Variants in ALMS1 observed in about 807,000 individuals in gnomAD.
The protein encoded by ALMS1 is centrosome-associated protein ALMS1.
ALMS1 carries 271 observed loss-of-function variants against 352.2 expected under a neutral mutation model. The observed-to-expected ratio is 0.77, with a 90% CI of 0.70 to 0.85. The LOEUF is 0.85. ALMS1 is among the 40% of genes least tolerant of loss of function. The pLI, the probability that ALMS1 is intolerant of heterozygous loss-of-function variation, is 0.00. For synonymous variants in ALMS1, 1,865 were observed against 1,761.2 expected (o/e 1.06, Z -1.48); for missense variants, 5,445 against 4,870.7 (o/e 1.12, Z -3.51).
chr2:73,486,320 C>T lies in ALMS1; in HGVS notation c.7675-3314C>T, dbSNP rs72909382. 4.2e-3 allele frequency among the ~76,000 whole-genome samples: 645 copies of T among 152,182 alleles called. 5 individuals carry two copies. Among genetic ancestry groups the T allele is most frequent in the African/African-American group, 0.013 (523 of 41,496 alleles). On this transcript the variant is annotated intron_variant, in intron 9 of 22. Transcript: ENST00000613296. Reference sequence around the variant, plus strand: ...GTAGGCTTCGCTAGACTTTCACTGACGCCGCAAGGAAGGGATAGCACTTTA... The same window carrying T: ...GTAGGCTTCGCTAGACTTTCACTGATGCCGCAAGGAAGGGATAGCACTTTA...
chr2:73,463,687 A>G (rs1317524687), intron 9 of ALMS1, among the ~76,000 whole-genome samples: 4 of 126,726 alleles, frequency 3.2e-5, no homozygotes, highest in Non-Finnish European at 5.0e-5. Context: ...AGGATCAACA[A>G]AAGACCGCTA....
At position 73,490,444 on chromosome 2, in the gene ALMS1, A is replaced by C. The variant is rs1300409766; in HGVS notation, c.8485A>C (p.Asn2829His). Residue 2829 changes from asparagine to histidine, a missense_variant, in exon 10 of 23, where the codon AAT becomes CAT. By Grantham distance (68) the Asn-to-His change is moderately conservative (BLOSUM62 1). Transcript: ENST00000613296. ...TCATTCTGAGCCCAGTACCAGGGCA[A>C]ATTGTAGCAATTTCAAGGAAATTCA... ...GSHSEPSTRANCSNFKEIQIS... is the reference protein window; with the variant it reads ...GSHSEPSTRAHCSNFKEIQIS... The C allele has an allele frequency of 4.3e-6, 7 of 1,614,048 alleles. No homozygotes were observed. The highest frequency in any genetic ancestry group is 5.1e-6 in the Non-Finnish European group (6 of 1,180,044).
intron 15 of ALMS1, among the ~76,000 whole-genome samples, chr2:73,559,639 A>G (rs1362720294): frequency 1.3e-5 from 2 of 152,206 alleles, no homozygotes; most frequent in Non-Finnish European, 2.9e-5. Flanking sequence ...GGAAGATGGA[A>G]CAGCCTACAT....
chr2:73,460,794 C>A lies in ALMS1; in HGVS notation c.7674+5499C>A, dbSNP rs560738578. ...AAACGGCACACCAGGAGATTATATC[C>A]CGCACATGGCTCGGAGGGTCCTACG... On this transcript the variant is annotated intron_variant, in intron 9 of 22. Coordinates refer to ENST00000613296, the MANE Select transcript of ALMS1 (RefSeq NM_001378454.1). 9.4e-4 allele frequency among the ~76,000 whole-genome samples: 143 copies of A among 152,352 alleles called. 1 individual carries two copies. The highest frequency in any genetic ancestry group is 1.7e-3 in the Non-Finnish European group (118 of 68,036).
At position 73,602,177 on chromosome 2, in the gene ALMS1, T is replaced by A. The variant is rs78455676; in HGVS notation, c.12115-8T>A. On this transcript the variant is annotated splice_region_variant and splice_polypyrimidine_tract_variant and intron_variant, in intron 19 of 22. Coordinates refer to ENST00000613296, the MANE Select transcript of ALMS1 (RefSeq NM_001378454.1). ...GGCTGGGCATTTTCTCTTTTTTTTT[T>A]CTTTTAGGAATCGCTTCAGTTTCAC... is the stretch of plus-strand genomic sequence containing the variant. 1 of 1,612,626 alleles carries A rather than the reference T, an allele frequency of 6.2e-7. No homozygotes were observed. The highest frequency in any genetic ancestry group is 8.5e-7 in the Non-Finnish European group (1 of 1,179,322).
intron 16 of ALMS1, among the ~76,000 whole-genome samples, chr2:73,578,060 G>C (rs967569630): frequency 6.6e-6 from 1 of 152,048 alleles, no homozygotes; most frequent in Non-Finnish European, 1.5e-5. Context: ...TTAGGGCTCT[G>C]TTGTCAGTTG....
At chr2:73,504,920 C>T (rs1001148468) in intron 10 of ALMS1, among the ~76,000 whole-genome samples, 4 of 152,036 alleles carry the variant, frequency 2.6e-5, no homozygotes, top group Non-Finnish European at 5.9e-5. Context: ...GTGATGTTCC[C>T]CTCCCTGTGC....
intron 9 of ALMS1, among the ~76,000 whole-genome samples, chr2:73,461,533 C>G (rs929465860): frequency 4.6e-5 from 7 of 152,168 alleles, no homozygotes; most frequent in South Asian, 2.1e-4. Flanking sequence ...ACTGGAAACT[C>G]TAAAAAGCAG....
At chr2:73,539,222 TCAC>T (rs1318410859) in intron 12 of ALMS1, among the ~76,000 whole-genome samples, 2 of 152,174 alleles carry the variant, frequency 1.3e-5, no homozygotes, top group East Asian at 3.8e-4. Flanking sequence ...CATTTGCTGT[TCAC>T]CAATATTCGC....
chr2:73,403,527 T>C (rs925859466), intron 1 of ALMS1, among the ~76,000 whole-genome samples: 12 of 152,176 alleles, frequency 7.9e-5, no homozygotes, highest in African/African-American at 2.9e-4. Flanking sequence ...CTTTTGTGGT[T>C]CTATATGAAT....
intron 1 of ALMS1, among the ~76,000 whole-genome samples, chr2:73,396,081 T>C (rs1016994795): frequency 2.0e-5 from 3 of 152,208 alleles, no homozygotes; most frequent in African/African-American, 7.2e-5. Context: ...GCATCCTGTC[T>C]TTTACCCCCG....
Position 73,489,837 on chromosome 2 carries a change from T to C in ALMS1, c.7878T>C (p.His2626=). ...ACCCATCATCATGCAGAGCCAAGCA[T>C]GTCAACCTTTCTGCATCCTTAGACC... ...RQNPSSCRAK[H]VNLSASLDQN... The change falls in exon 10 of 23, where the codon CAT becomes CAC. Residue 2626 remains histidine (H), a synonymous_variant. Transcript: ENST00000613296. The C allele has an allele frequency of 6.2e-7, 1 of 1,614,194 alleles. No homozygotes were observed. Among genetic ancestry groups the C allele is most frequent in the Non-Finnish European group, 8.5e-7 (1 of 1,180,032 alleles).
chr2:73,449,107 C>T lies in ALMS1; in HGVS notation c.2580C>T (p.Ser860=), dbSNP rs933460222. 1 of 1,613,938 alleles carries T rather than the reference C, an allele frequency of 6.2e-7. No homozygotes were observed. The highest frequency in any genetic ancestry group is 8.5e-7 in the Non-Finnish European group (1 of 1,179,962). Residue 860 remains serine (S), a synonymous_variant, in exon 8 of 23, where the codon TCC becomes TCT. Transcript: ENST00000613296. Reference sequence around the variant, plus strand: ...CTGTAACCTCTACTTCCTCTGCGTCCTCTTCACTTGGAGAAAAGCCCAGTG... The same window carrying T: ...CTGTAACCTCTACTTCCTCTGCGTCTTCTTCACTTGGAGAAAAGCCCAGTG... ...TPAVTSTSSA[S]SSLGEKPSAF... is the part of the protein sequence containing the mutation.
At chr2:73,392,717 G>A (rs1478547428) in intron 1 of ALMS1, among the ~76,000 whole-genome samples, 2 of 152,064 alleles carry the variant, frequency 1.3e-5, no homozygotes, top group East Asian at 3.9e-4. Context: ...TTATTATATG[G>A]ATATGTGATA....
At chr2:73,390,863 C>T (rs1224556355) in intron 1 of ALMS1, among the ~76,000 whole-genome samples, 2 of 151,934 alleles carry the variant, frequency 1.3e-5, no homozygotes, top group African/African-American at 2.4e-5. Flanking sequence ...CTCCGCCTCC[C>T]GGGTTCAAGT....
intron 9 of ALMS1, among the ~76,000 whole-genome samples, chr2:73,478,652 ATTCG>A (rs1296688022): frequency 1.6e-5 from 2 of 122,506 alleles, no homozygotes; most frequent in South Asian, 3.1e-4. Context: ...TTAGTAATTT[ATTCG>A]TTTATTTATT....
At chr2:73,413,371 G>T (rs2103687185) in intron 2 of ALMS1, among the ~76,000 whole-genome samples, 1 of 152,160 alleles carries the variant, frequency 6.6e-6, no homozygotes, top group South Asian at 2.1e-4. Context: ...TACTATCTGA[G>T]AAATCTTGGC....
rs1470796628 is a variant in ALMS1 at position 73,490,677 on chromosome 2, C to T, written c.8718C>T (p.Pro2906=). The change falls in exon 10 of 23, where the codon CCC becomes CCT. Residue 2906 remains proline (P), a synonymous_variant. Coordinates refer to ENST00000613296, the MANE Select transcript of ALMS1 (RefSeq NM_001378454.1). ...ACCATGTGAGGAAACACCATTCTCCCTCTCCTCAACATCAGGATTATGTAG... is the reference window on the plus strand; with the variant it reads ...ACCATGTGAGGAAACACCATTCTCCTTCTCCTCAACATCAGGATTATGTAG... ...ADDHVRKHHS[P]SPQHQDYVAP... 6.2e-7 allele frequency: 1 copy of T among 1,614,062 alleles called. No individual in the cohort carries two copies. The highest frequency in any genetic ancestry group is 1.1e-5 in the South Asian group (1 of 91,074).
At position 73,408,613 on chromosome 2, in the gene ALMS1, G is replaced by T; in HGVS notation, c.325-9G>T. The T allele has an allele frequency of 3.1e-6, 5 of 1,611,904 alleles. No homozygotes were observed. In the South Asian group the frequency reaches 5.5e-5, roughly 18 times the overall value. On this transcript the variant is annotated splice_polypyrimidine_tract_variant and intron_variant, in intron 1 of 22. Transcript: ENST00000613296. ...TATTACTCTATTTAAGCCTGCTTTT[G>T]ATTTTCAGATTGTTCCATTGACCTG...
Sources: gnomAD v4.1 joint callset for allele counts (sites outside exome capture counted in the v4.1 genomes callset) on GRCh38, gnomAD v4.1.1 for gene constraint, MANE v1.5 for transcripts, NCBI Gene and HGNC (gene_info 2026-07-23, HGNC 2026-07-21) for gene names.